Variants in NCEH1 observed in about 807,000 individuals in gnomAD.
The protein encoded by NCEH1 is 2-acetyl MAGE hydrolase.
Under a neutral mutation model 25.4 loss-of-function variants are expected in NCEH1, and 9 were observed. The observed-to-expected ratio is 0.35, with a 90% CI of 0.21 to 0.62. The LOEUF (loss-of-function observed/expected upper bound fraction) is 0.62. Ranked by LOEUF, NCEH1 falls within the 20% of genes least tolerant of loss-of-function variation. The pLI, the probability that NCEH1 is intolerant of heterozygous loss-of-function variation, is 0.72. For synonymous variants in NCEH1, 200 were observed against 199.8 expected (o/e 1.00, Z -0.01); for missense variants, 412 against 501.1 (o/e 0.82, Z 1.70).
At chr3:172,670,885 A>T (rs760182581) in intron 1 of NCEH1, among the ~76,000 whole-genome samples, 2 of 152,168 alleles carry the variant, frequency 1.3e-5, no homozygotes, top group African/African-American at 4.8e-5. Context: ...ATAATGGAAG[A>T]TTTTTCCCAT....
rs150288972 is a variant in NCEH1 at position 172,682,134 on chromosome 3, G to A, written c.138+28713C>T. Among the ~76,000 whole-genome samples the A allele has an allele frequency of 3.5e-3, 540 of 152,296 alleles. 3 individuals carry two copies. The highest frequency in any genetic ancestry group is 0.011 in the African/African-American group (475 of 41,558). On this transcript the variant is annotated intron_variant, in intron 1 of 4. Transcript: ENST00000475381. ...AGACAGAGCCTGTGGTGGAGGCCAT[G>A]GCACTACTGTTAATGACCTCAGGAA...
intron 1 of NCEH1, among the ~76,000 whole-genome samples, chr3:172,651,149 C>G (rs1717387877): frequency 1.3e-5 from 2 of 152,218 alleles, no homozygotes; most frequent in South Asian, 4.1e-4. Flanking sequence ...GTACTATTAT[C>G]TTGCTTACAG....
Position 172,635,940 on chromosome 3 carries a change from A to G in NCEH1, c.585T>C (p.Asn195=). The change falls in exon 4 of 5, where the codon AAT becomes AAC. Residue 195 remains asparagine, a synonymous_variant. Coordinates refer to ENST00000475381, the MANE Select transcript of NCEH1 (RefSeq NM_020792.6). ...CCTGTTGTCCAAGGGCAGCAGCCAG[A>G]TTTCCACCAGCACTGTCACCAGAAA... is the stretch of plus-strand genomic sequence containing the variant. The part of the protein sequence containing the change: ...ICISGDSAGG[N]LAAALGQQFT... The G allele has an allele frequency of 6.2e-7, 1 of 1,614,174 alleles. No individual in the cohort carries two copies. Among genetic ancestry groups the G allele is most frequent in the African/African-American group, 1.3e-5 (1 of 75,036 alleles).
At chr3:172,708,729 A>G (rs1254752997) in intron 1 of NCEH1, among the ~76,000 whole-genome samples, 1 of 152,168 alleles carries the variant, frequency 6.6e-6, no homozygotes, top group African/African-American at 2.4e-5. Flanking sequence ...CATTTATTTT[A>G]TTGCTTCAAA....
chr3:172,710,939 C>T lies in NCEH1; in HGVS notation c.46G>A (p.Ala16Thr), dbSNP rs138242499. ...VLLTALVALA[A>T]YYVYIPLPGS... ...GGCAGCGGGATGTAGACGTAATAGG[C>T]GGCCAGCGCCACCAGGGCGGTGAGC... The change falls in exon 1 of 5, where the codon GCC (alanine) becomes ACC (threonine). Residue 16 changes from alanine to threonine, a missense_variant. Physicochemically the swap from Ala to Thr is moderately conservative, Grantham distance 58 (BLOSUM62 0). Transcript: ENST00000475381. The T allele has an allele frequency of 0.011, 18,175 of 1,614,156 alleles. 154 individuals are homozygous for T. Among genetic ancestry groups the T allele is most frequent in the Non-Finnish European group, 0.013 (15,413 of 1,180,038 alleles).
At chr3:172,663,256 T>C (rs1275588836) in intron 1 of NCEH1, among the ~76,000 whole-genome samples, 2 of 152,224 alleles carry the variant, frequency 1.3e-5, no homozygotes, top group East Asian at 1.9e-4. Flanking sequence ...TCAGTTTCCA[T>C]GTAGTTGAGT....
rs146570333 is a variant in NCEH1 at position 172,684,017 on chromosome 3, T to A, written c.138+26830A>T. 2.6e-3 allele frequency among the ~76,000 whole-genome samples: 393 copies of A among 152,380 alleles called. 1 individual carries two copies. The highest frequency in any genetic ancestry group is 8.8e-3 in the African/African-American group (368 of 41,586). On this transcript the variant is annotated intron_variant, in intron 1 of 4. Transcript: ENST00000475381. ...CTTGCTGAAAGTTGCCATTTTATCA[T>A]CCTTTATAACTTCTAATGAATAAGA...
chr3:172,639,068 A>C (rs939285421), intron 3 of NCEH1, among the ~76,000 whole-genome samples: 2 of 152,136 alleles, frequency 1.3e-5, no homozygotes, highest in African/African-American at 2.4e-5. Context: ...GGGGAGGCCA[A>C]GGTGCGCGGA....
intron 1 of NCEH1, among the ~76,000 whole-genome samples, chr3:172,702,212 A>G (rs1445493897): frequency 6.6e-6 from 1 of 152,238 alleles, no homozygotes; most frequent in Non-Finnish European, 1.5e-5. Flanking sequence ...TTGTCACATA[A>G]AGAACACCTG....
At chr3:172,705,797 A>C (rs1713946645) in intron 1 of NCEH1, among the ~76,000 whole-genome samples, 1 of 152,008 alleles carries the variant, frequency 6.6e-6, no homozygotes, top group Non-Finnish European at 1.5e-5. Flanking sequence ...AGGAGTTCAA[A>C]ACCAGCCTGA....
chr3:172,685,002 G>A (rs1712619086), intron 1 of NCEH1, among the ~76,000 whole-genome samples: 1 of 146,058 alleles, frequency 6.8e-6, no homozygotes, highest in Non-Finnish European at 1.5e-5. Flanking sequence ...CCAAAAAAAA[G>A]ACCCATCTTT....
chr3:172,677,289 C>T (rs1426567073), intron 1 of NCEH1, among the ~76,000 whole-genome samples: 1 of 152,128 alleles, frequency 6.6e-6, no homozygotes, highest in African/African-American at 2.4e-5. Context: ...AAAACTGTGT[C>T]TTAAATGGCA....
intron 2 of NCEH1, among the ~76,000 whole-genome samples, chr3:172,646,486 A>G (rs1273826163): frequency 1.3e-5 from 2 of 152,218 alleles, no homozygotes; most frequent in Non-Finnish European, 2.9e-5. Flanking sequence ...AGGAAGTCTT[A>G]GCATTTCTTA....
intron 1 of NCEH1, among the ~76,000 whole-genome samples, chr3:172,710,489 G>C (rs1029514637): frequency 4.6e-5 from 7 of 152,248 alleles, no homozygotes; most frequent in African/African-American, 1.7e-4. Flanking sequence ...CCCTATGGGA[G>C]AACGACAGTG....
intron 1 of NCEH1, among the ~76,000 whole-genome samples, chr3:172,678,756 T>C (rs1312232226): frequency 6.6e-6 from 1 of 152,196 alleles, no homozygotes; most frequent in Non-Finnish European, 1.5e-5. Context: ...CCTACATGCA[T>C]ATATTGTGTA....
chr3:172,650,323 T>G (rs1171482595), intron 1 of NCEH1, among the ~76,000 whole-genome samples: 1 of 151,960 alleles, frequency 6.6e-6, no homozygotes, highest in Non-Finnish European at 1.5e-5. Context: ...GCCAACATGG[T>G]GAGACCCCAT....
chr3:172,691,946 C>CAAAAA (rs61592238), intron 1 of NCEH1, among the ~76,000 whole-genome samples: 2 of 80,002 alleles, frequency 2.5e-5, no homozygotes, highest in Admixed American at 1.9e-4. Flanking sequence ...GACTCCGTCT[C>CAAAAA]AAAAAAAAAA....
intron 1 of NCEH1, among the ~76,000 whole-genome samples, chr3:172,651,085 T>A (rs1717385123): frequency 6.6e-6 from 1 of 152,216 alleles, no homozygotes; most frequent in South Asian, 2.1e-4. Flanking sequence ...CCTGAGTGCC[T>A]ACAGTGAGTG....
intron 1 of NCEH1, among the ~76,000 whole-genome samples, chr3:172,675,331 A>T (rs142678242): frequency 0.17 from 24,870 of 150,340 alleles, 2,495 homozygotes; most frequent in African/African-American, 0.26. Context: ...ATAAATAAAT[A>T]AATAAATAAA....
Sources: gnomAD v4.1 joint callset for allele counts (sites outside exome capture counted in the v4.1 genomes callset) on GRCh38, gnomAD v4.1.1 for gene constraint, MANE v1.5 for transcripts, NCBI Gene and HGNC (gene_info 2026-07-23, HGNC 2026-07-21) for gene names.